Variants in CSNK1D observed in about 807,000 individuals in gnomAD.
The protein encoded by CSNK1D is casein kinase I isoform delta.
A neutral mutation model predicts 46.6 loss-of-function variants in CSNK1D; 16 were observed. The observed-to-expected ratio is 0.34, with a 90% CI of 0.23 to 0.52. CSNK1D has a LOEUF of 0.52. Ranked by LOEUF, CSNK1D falls within the 20% of genes least tolerant of loss-of-function variation. The pLI, the probability that CSNK1D is intolerant of heterozygous loss-of-function variation, is 0.95. For missense variants in CSNK1D, 398 were observed against 578.4 expected (o/e 0.69, Z 3.20); for synonymous variants, 276 against 228.2 (o/e 1.21, Z -1.89).
chr17:82,256,983 A>G (rs11868977), intron 2 of CSNK1D, among the ~76,000 whole-genome samples: 23,484 of 152,130 alleles, frequency 0.15, 5,766 homozygotes, highest in African/African-American at 0.52. Context: ...TTGTTTTGAG[A>G]CGAGGTCTCG....
rs1316616855 is a variant in CSNK1D, at chr17:82,253,966, C to T, written c.337-722G>A. 1.2e-4 allele frequency: 27 copies of T among 225,336 alleles called. No homozygotes were observed. In the East Asian group the frequency reaches 3.6e-3, roughly 30 times the overall value. The allele number at this position is 225,336 out of a possible 1,614,324, so 14.0% of individuals were successfully genotyped here. On this transcript the variant is annotated intron_variant, in intron 3 of 8. Coordinates refer to ENST00000314028, the MANE Select transcript of CSNK1D (RefSeq NM_001893.6). ...TCGAGAAGCCAGTGAGCTGAGCCGCCGGAGCCTCCAGAAGCCAGTGAGCTG... is the reference window on the plus strand; with the variant it reads ...TCGAGAAGCCAGTGAGCTGAGCCGCTGGAGCCTCCAGAAGCCAGTGAGCTG...
intron 1 of CSNK1D, among the ~76,000 whole-genome samples, chr17:82,267,814 G>A (rs752791145): frequency 6.6e-6 from 1 of 152,218 alleles, no homozygotes; most frequent in Non-Finnish European, 1.5e-5. Context: ...GGACAGTACC[G>A]CCACCCTCGC....
At position 82,244,113 on chromosome 17, in the gene CSNK1D, G is replaced by A. The variant is rs1245076670; in HGVS notation, c.*668C>T. The A allele has an allele frequency of 1.0e-6, 1 of 991,022 alleles. No individual in the cohort carries two copies. Among genetic ancestry groups the A allele is most frequent in the African/African-American group, 1.7e-5 (1 of 57,224 alleles). The allele number at this position is 991,022 out of a possible 1,614,324, so 61.4% of individuals were successfully genotyped here. ...AGGGAGGGTGAGACGCCAAAATCAGGTTGAAGAGGTCCCACCACACACGGG... is the reference window on the plus strand; with the variant it reads ...AGGGAGGGTGAGACGCCAAAATCAGATTGAAGAGGTCCCACCACACACGGG... On this transcript the variant is annotated 3_prime_UTR_variant, in exon 9 of 9. Transcript: ENST00000314028.
upstream of CSNK1D, chr17:82,273,738 G>A (rs1359993152): frequency 2.1e-6 from 1 of 484,852 alleles, no homozygotes; most frequent in South Asian, 3.5e-5. The surrounding 1 kb of genome is among the most constrained non-coding windows in gnomAD (Gnocchi z 5.1). Flanking sequence ...GGGCGGGGCC[G>A]CGGCGCTCCA....
intron 8 of CSNK1D, chr17:82,246,294 G>A: frequency 4.3e-6 from 6 of 1,386,172 alleles, no homozygotes; most frequent in Non-Finnish European, 5.6e-6. Flanking sequence ...GCCCTCCTGA[G>A]TCTTCTCAAG....
intron 8 of CSNK1D, 125 bp from the exon 9 acceptor site, chr17:82,244,956 C>G (rs907142742): frequency 9.8e-6 from 12 of 1,227,076 alleles, no homozygotes; most frequent in Admixed American, 1.9e-5. Context: ...AGTCTAGACG[C>G]CTGCGTCCCC....
rs537709984 is a variant in CSNK1D at position 82,242,952 on chromosome 17, G to A, written c.*1829C>T. 4.1e-6 allele frequency: 4 copies of A among 985,470 alleles called. No individual in the cohort carries two copies. In the African/African-American group the frequency reaches 7.0e-5, roughly 17 times the overall value. The allele number at this position is 985,470 out of a possible 1,614,324, so 61.0% of individuals were successfully genotyped here. ...GGGACCACAGATATTTACAAAGCAA[G>A]CTTGCGCCACTTCAGGCCACAGCGC... On this transcript the variant is annotated 3_prime_UTR_variant, in exon 9 of 9. Coordinates refer to ENST00000314028, the MANE Select transcript of CSNK1D (RefSeq NM_001893.6).
rs112218549 is a variant in CSNK1D, at chr17:82,243,196, G to C, written c.*1585C>G. ...GCAGACGGCCAGCCAGCTGGTGGGG[G>C]GGTGAACAACTGTGTTCTGGGACGC... On this transcript the variant is annotated 3_prime_UTR_variant, in exon 9 of 9. Coordinates refer to ENST00000314028, the MANE Select transcript of CSNK1D (RefSeq NM_001893.6). 1.3e-3 allele frequency: 1,297 copies of C among 985,664 alleles called. 15 individuals are homozygous for C. The African/African-American group carries it at 0.021, about 16-fold the overall frequency. The allele number at this position is 985,664 out of a possible 1,614,324, so 61.1% of individuals were successfully genotyped here.
Position 82,244,652 on chromosome 17 carries a change from G to A in CSNK1D, c.*129C>T. ...GTTTCCCCCACGAGCGTCGCTGGGT[G>A]AGTGGCCTGGAGAGCTCCCGGTGTT... On this transcript the variant is annotated 3_prime_UTR_variant, in exon 9 of 9. Coordinates refer to ENST00000314028, the MANE Select transcript of CSNK1D (RefSeq NM_001893.6). The A allele has an allele frequency of 6.4e-7, 1 of 1,561,404 alleles. No individual in the cohort carries two copies. The highest frequency in any genetic ancestry group is 1.2e-5 in the South Asian group (1 of 86,060).
rs765902958 is a variant in CSNK1D, at chr17:82,248,820, T to C, written c.1197+55A>G. 8.2e-6 allele frequency: 13 copies of C among 1,580,912 alleles called. No individual in the cohort carries two copies. Among genetic ancestry groups the C allele is most frequent in the Non-Finnish European group, 9.5e-6 (11 of 1,163,048 alleles). On this transcript the variant is annotated intron_variant, in intron 8 of 8. Coordinates refer to ENST00000314028, the MANE Select transcript of CSNK1D (RefSeq NM_001893.6). This position sits in a 1 kb window ranked among gnomAD's most constrained non-coding sequence, Gnocchi z 4.1. The stretch of plus-strand genomic sequence containing the variant: ...CCCTGGAGAAACCACAGCCCGCTCT[T>C]GACTCGGACGGGGTAGCCCGAGGCC...
In CSNK1D at chr17:82,244,523, TTC is replaced by T. The variant is rs1297605597; in HGVS notation, c.*256_*257del. On this transcript the variant is annotated 3_prime_UTR_variant, in exon 9 of 9. Coordinates refer to ENST00000314028, the MANE Select transcript of CSNK1D (RefSeq NM_001893.6). ...GGAAAAGGAGTCTGATTCTCTGCAA[TTC>T]TCTCTCTGCTTTTCTTCCCAGCCCC... The T allele has an allele frequency of 2.2e-5, 32 of 1,440,226 alleles. No homozygotes were observed. The highest frequency in any genetic ancestry group is 2.8e-5 in the Non-Finnish European group (31 of 1,096,226). 89.2% of individuals were successfully genotyped at this position (1,440,226 alleles called of 1,614,324 possible).
intron 2 of CSNK1D, among the ~76,000 whole-genome samples, chr17:82,256,082 T>G (rs911069111): frequency 1.3e-5 from 2 of 152,172 alleles, no homozygotes; most frequent in Non-Finnish European, 2.9e-5. Context: ...CAATGAAAAC[T>G]TTTTGGGGAT....
At chr17:82,265,469 A>G (rs1221244370) in intron 2 of CSNK1D, 2 of 558,062 alleles carry the variant, frequency 3.6e-6, no homozygotes, top group African/African-American at 1.9e-5. Context: ...GTGAGCCACC[A>G]TGCCCGGCCC....
At chr17:82,261,387 G>A (rs759971861) in intron 2 of CSNK1D, among the ~76,000 whole-genome samples, 25 of 152,150 alleles carry the variant, frequency 1.6e-4, no homozygotes, top group Non-Finnish European at 5.9e-5. Context: ...CATGGTGCCC[G>A]AAGGTAGCTA....
chr17:82,248,679 A>AT lies in CSNK1D; in HGVS notation c.1197+195dup. 1 of 1,419,622 alleles carries AT rather than the reference A, an allele frequency of 7.0e-7. No individual in the cohort carries two copies. Among genetic ancestry groups the AT allele is most frequent in the Non-Finnish European group, 9.2e-7 (1 of 1,087,288 alleles). The allele number at this position is 1,419,622 out of a possible 1,614,324, so 87.9% of individuals were successfully genotyped here. On this transcript the variant is annotated intron_variant, in intron 8 of 8. Coordinates refer to ENST00000314028, the MANE Select transcript of CSNK1D (RefSeq NM_001893.6). The surrounding 1 kb of genome is among the most constrained non-coding windows in gnomAD (Gnocchi z 4.1). ...CACCTGCAACCAGGAGACAAGCCCCATGACGGCCCAGCATGTCTCCCAGGC... is the reference window on the plus strand; with the variant it reads ...CACCTGCAACCAGGAGACAAGCCCCATTGACGGCCCAGCATGTCTCCCAGGC...
At position 82,273,479 on chromosome 17, in the gene CSNK1D, C is replaced by T; in HGVS notation, c.-98G>A. On this transcript the variant is annotated 5_prime_UTR_variant, in exon 1 of 9. Transcript: ENST00000314028. This position sits in a 1 kb window ranked among gnomAD's most constrained non-coding sequence, Gnocchi z 5.1. ...TGCTGCCGCTACTGCGGGTCCGGCT[C>T]CCGGCTCCGCCCCCCTCACGGCCCC... 1.1e-5 allele frequency: 15 copies of T among 1,426,754 alleles called. No individual in the cohort carries two copies. Among genetic ancestry groups the T allele is most frequent in the Non-Finnish European group, 1.4e-5 (15 of 1,039,390 alleles). The allele number at this position is 1,426,754 out of a possible 1,614,324, so 88.4% of individuals were successfully genotyped here.
intron 2 of CSNK1D, among the ~76,000 whole-genome samples, chr17:82,261,854 C>T (rs754754956): frequency 4.6e-5 from 7 of 152,116 alleles, no homozygotes; most frequent in Non-Finnish European, 8.8e-5. Flanking sequence ...AGCCACAGAA[C>T]CGTCACCCAC....
chr17:82,252,743 C>T lies in CSNK1D; in HGVS notation c.566-139G>A, dbSNP rs538163608. On this transcript the variant is annotated intron_variant, in intron 4 of 8. Coordinates refer to ENST00000314028, the MANE Select transcript of CSNK1D (RefSeq NM_001893.6). The surrounding 1 kb of genome is among the most constrained non-coding windows in gnomAD (Gnocchi z 4.6). ...CTCCAGCTGGCACTTCCAGTGGAGA[C>T]GAACCTCGGACACACATGCCCAGAT... The T allele has an allele frequency of 9.4e-5, 86 of 918,958 alleles. No homozygotes were observed. Among genetic ancestry groups the T allele is most frequent in the Non-Finnish European group, 1.4e-4 (79 of 584,512 alleles). 56.9% of individuals were successfully genotyped at this position (918,958 alleles called of 1,614,324 possible).
At chr17:82,259,374 A>G (rs1282970096) in intron 2 of CSNK1D, among the ~76,000 whole-genome samples, 1 of 152,242 alleles carries the variant, frequency 6.6e-6, no homozygotes, top group Non-Finnish European at 1.5e-5. Context: ...CAGTAACAGC[A>G]GTTTTATTTC....
Sources: gnomAD v4.1 joint callset for allele counts (sites outside exome capture counted in the v4.1 genomes callset) on GRCh38, gnomAD v4.1.1 for gene constraint, Gnocchi (gnomAD v3.1) non-coding constraint, MANE v1.5 for transcripts, NCBI Gene and HGNC (gene_info 2026-07-23, HGNC 2026-07-21) for gene names.